The following ROBO2 variants were observed in gnomAD, a reference collection of about 807,000 sequenced individuals.
The protein encoded by ROBO2 is roundabout homolog 2.
In ROBO2, 53 loss-of-function variants were observed where a neutral mutation model predicts 160.8. That is an observed-to-expected ratio of 0.33 (90% CI 0.26 to 0.41). The LOEUF (loss-of-function observed/expected upper bound fraction) is 0.41, where lower values mean the gene tolerates loss of function less well. Ranked by LOEUF, ROBO2 falls within the 10% of genes least tolerant of loss-of-function variation. The pLI is 1.00. For synonymous variants in ROBO2, 664 were observed against 611.7 expected (o/e 1.09, Z -1.26); for missense variants, 1,577 against 1,722.4 (o/e 0.92, Z 1.49).
At chr3:77,169,562 T>G (rs2079426314) in intron 2 of ROBO2, among the ~76,000 whole-genome samples, 1 of 152,122 alleles carries the variant, frequency 6.6e-6, no homozygotes, top group Admixed American at 6.5e-5. Flanking sequence ...CTGTTAAAAT[T>G]TTCAGAATAT....
intron 2 of ROBO2, among the ~76,000 whole-genome samples, chr3:77,006,165 T>G (rs1015282973): frequency 1.3e-5 from 2 of 152,104 alleles, no homozygotes; most frequent in Non-Finnish European, 2.9e-5. Flanking sequence ...CCTGTTATGT[T>G]TGTTAAGGAT....
intron 2 of ROBO2, among the ~76,000 whole-genome samples, chr3:76,572,450 G>A (rs1268588241): frequency 1.3e-5 from 2 of 152,086 alleles, no homozygotes; most frequent in African/African-American, 4.8e-5. Context: ...TAGGAAGTGA[G>A]TCCTGGTGCT....
intron 2 of ROBO2, among the ~76,000 whole-genome samples, chr3:76,966,216 C>G (rs1365447703): frequency 6.6e-6 from 1 of 152,090 alleles, no homozygotes; most frequent in Non-Finnish European, 1.5e-5. Flanking sequence ...GCCACCGTGC[C>G]CAGTCCATAT....
intron 2 of ROBO2, among the ~76,000 whole-genome samples, chr3:77,368,949 A>G (rs2071350697): frequency 6.6e-6 from 1 of 152,198 alleles, no homozygotes; most frequent in African/African-American, 2.4e-5. Context: ...TAATTCGAAA[A>G]TTATGCATTC....
intron 2 of ROBO2, among the ~76,000 whole-genome samples, chr3:76,583,006 G>T (rs1427746028): frequency 2.7e-5 from 4 of 147,154 alleles, no homozygotes; most frequent in African/African-American, 5.0e-5. Flanking sequence ...CTTGGTGTGT[G>T]TTTAAAAAAA....
At chr3:76,983,693 G>C (rs990212922) in intron 2 of ROBO2, among the ~76,000 whole-genome samples, 2 of 152,088 alleles carry the variant, frequency 1.3e-5, no homozygotes, top group Non-Finnish European at 2.9e-5. Flanking sequence ...TTATATGATA[G>C]ACAATAGAGT....
At chr3:76,642,918 T>A (rs1398004076) in intron 2 of ROBO2, among the ~76,000 whole-genome samples, 1 of 152,146 alleles carries the variant, frequency 6.6e-6, no homozygotes, top group Non-Finnish European at 1.5e-5. Context: ...TCATTAATAA[T>A]AAAATAAATA....
At chr3:77,397,736 T>G (rs1421024797) in intron 2 of ROBO2, among the ~76,000 whole-genome samples, 1 of 152,168 alleles carries the variant, frequency 6.6e-6, no homozygotes, top group African/African-American at 2.4e-5. Flanking sequence ...ATAAATTGCA[T>G]TTATCTTTTT....
intron 2 of ROBO2, among the ~76,000 whole-genome samples, chr3:76,972,523 T>C (rs2059620915): frequency 6.6e-6 from 1 of 152,072 alleles, no homozygotes; most frequent in East Asian, 1.9e-4. Flanking sequence ...CTTATTTGTA[T>C]AGATTATATA....
intron 2 of ROBO2, among the ~76,000 whole-genome samples, chr3:76,327,997 TA>T (rs1359483155): frequency 1.3e-5 from 2 of 152,044 alleles, no homozygotes; most frequent in Non-Finnish European, 1.5e-5. Flanking sequence ...CTAGATGGGT[TA>T]AATGTGTGTT....
intron 2 of ROBO2, among the ~76,000 whole-genome samples, chr3:76,269,734 A>G (rs1247431708): frequency 1.3e-5 from 2 of 152,094 alleles, no homozygotes; most frequent in Non-Finnish European, 2.9e-5. Flanking sequence ...TTTTTATGAA[A>G]TAGTAAGACC....
Position 76,396,559 on chromosome 3 carries a change from T to C in ROBO2, c.109+458957T>C, listed in dbSNP as rs181099397. ...TCCCTGTTTGCAGACGACATGATTA[T>C]ATATCTAGAAAACCCCATTGTCTCA... On this transcript the variant is annotated intron_variant, in intron 2 of 26. Transcript: ENST00000487694. Among the ~76,000 whole-genome samples the C allele has an allele frequency of 2.7e-3, 415 of 152,268 alleles. 1 individual carries two copies. The highest frequency in any genetic ancestry group is 9.7e-3 in the African/African-American group (402 of 41,556).
intron 14 of ROBO2, among the ~76,000 whole-genome samples, chr3:77,576,990 T>C (rs2093783121): frequency 6.6e-6 from 1 of 152,176 alleles, no homozygotes; most frequent in Non-Finnish European, 1.5e-5. Context: ...TACTGGAATA[T>C]GTCTTCTCAG....
chr3:76,958,983 A>G (rs1184310418), intron 2 of ROBO2, among the ~76,000 whole-genome samples: 1 of 152,190 alleles, frequency 6.6e-6, no homozygotes, highest in Non-Finnish European at 1.5e-5. Flanking sequence ...CCATAACAAC[A>G]TTCACAGCTA....
chr3:75,958,889 T>C (rs1334139659), intron 2 of ROBO2, among the ~76,000 whole-genome samples: 1 of 151,778 alleles, frequency 6.6e-6, no homozygotes, highest in African/African-American at 2.4e-5. Flanking sequence ...TTTGTGATGC[T>C]TTTCCCTCTT....
intron 2 of ROBO2, among the ~76,000 whole-genome samples, chr3:76,277,401 A>G (rs1707989590): frequency 6.6e-6 from 1 of 151,970 alleles, no homozygotes; most frequent in South Asian, 2.1e-4. Flanking sequence ...ATAAGAAGAA[A>G]CATCAGAAAT....
chr3:76,695,335 C>T (rs1487489566), intron 2 of ROBO2, among the ~76,000 whole-genome samples: 1 of 152,068 alleles, frequency 6.6e-6, no homozygotes, highest in Non-Finnish European at 1.5e-5. Flanking sequence ...GCAGATCTGT[C>T]AGATAAACAC....
At chr3:76,735,755 G>C (rs2093697893) in intron 2 of ROBO2, among the ~76,000 whole-genome samples, 1 of 67,256 alleles carries the variant, frequency 1.5e-5, no homozygotes, top group Non-Finnish European at 2.5e-5. Context: ...GGGAGACCCT[G>C]TCTCAAAAAA....
intron 2 of ROBO2, among the ~76,000 whole-genome samples, chr3:76,986,889 A>T (rs1476659377): frequency 5.9e-5 from 6 of 102,350 alleles, no homozygotes; most frequent in Admixed American, 2.5e-4. Context: ...CTAGGCTGAG[A>T]CAAGATACAA....
Sources: gnomAD v4.1 joint callset for allele counts (sites outside exome capture counted in the v4.1 genomes callset) on GRCh38, gnomAD v4.1.1 for gene constraint, MANE v1.5 for transcripts, NCBI Gene and HGNC (gene_info 2026-07-23, HGNC 2026-07-21) for gene names.